Variants in CDH8 observed in about 807,000 individuals in gnomAD.
The protein encoded by CDH8 is cadherin-8.
In CDH8, 17 loss-of-function variants were observed where a neutral mutation model predicts 68.1. The ratio of observed to expected loss-of-function variants is 0.25; its 90% CI spans 0.17 to 0.37. The LOEUF (loss-of-function observed/expected upper bound fraction) is 0.37. CDH8 is among the 10% of genes least tolerant of loss of function. The pLI, the probability that CDH8 is intolerant of heterozygous loss-of-function variation, is 1.00. For missense variants in CDH8, 763 were observed against 999.3 expected, an observed-to-expected ratio of 0.76 and a Z score of 3.19; for synonymous variants, 372 against 365.1, an observed-to-expected ratio of 1.02 and a Z score of -0.21.
chr16:61,818,152 T>C (rs2143000192), intron 6 of CDH8: 1 of 162,056 alleles, frequency 6.2e-6, no homozygotes, highest in East Asian at 1.9e-4. Flanking sequence ...TATTTTATCA[T>C]TTCTGCAACA....
intron 8 of CDH8, among the ~76,000 whole-genome samples, chr16:61,761,523 T>C (rs1366419850): frequency 1.3e-5 from 2 of 152,190 alleles, no homozygotes; most frequent in East Asian, 3.9e-4. Context: ...CCTCCCTTAA[T>C]GGTAGGCAGA....
chr16:61,838,543 C>T (rs944297094), intron 4 of CDH8, among the ~76,000 whole-genome samples: 6 of 152,102 alleles, frequency 3.9e-5, no homozygotes, highest in Admixed American at 6.6e-5. Context: ...CTTCGTTGCT[C>T]ATGGTAATTA....
chr16:61,972,429 G>A (rs1965354198), intron 2 of CDH8, among the ~76,000 whole-genome samples: 1 of 152,146 alleles, frequency 6.6e-6, no homozygotes, highest in African/African-American at 2.4e-5. Flanking sequence ...TAATCATCTT[G>A]TATTACTCCT....
chr16:61,741,318 T>C (rs1959866315), intron 8 of CDH8, among the ~76,000 whole-genome samples: 1 of 152,162 alleles, frequency 6.6e-6, no homozygotes, highest in African/African-American at 2.4e-5. Flanking sequence ...CCACAATTCC[T>C]TCTTCTGCCC....
intron 1 of CDH8, among the ~76,000 whole-genome samples, 190 bp downstream of exon 1, chr16:62,035,890 C>T (rs1437660283): frequency 9.2e-5 from 14 of 152,180 alleles, no homozygotes; most frequent in Admixed American, 9.2e-4. Context: ...GGCGTACGTA[C>T]GTTATCACCC....
At chr16:61,666,766 T>C (rs569334430) in intron 10 of CDH8, among the ~76,000 whole-genome samples, 7 of 152,064 alleles carry the variant, frequency 4.6e-5, no homozygotes, top group South Asian at 2.1e-4. Context: ...TTAGTAGGTA[T>C]GGACAAGAGA....
At chr16:61,782,266 G>A (rs983913430) in intron 8 of CDH8, among the ~76,000 whole-genome samples, 1 of 152,222 alleles carries the variant, frequency 6.6e-6, no homozygotes, top group Non-Finnish European at 1.5e-5. Flanking sequence ...GCGAGGCATT[G>A]CCTCACCTGG....
In CDH8 at chr16:61,701,147, A is replaced by C. The variant is rs189677511; in HGVS notation, c.1654+12694T>G. Among the ~76,000 whole-genome samples the C allele has an allele frequency of 3.9e-5, 6 of 152,312 alleles. No individual in the cohort carries two copies. In the East Asian group the frequency reaches 1.2e-3, roughly 29 times the overall value. Reference sequence around the variant, plus strand: ...CCTGTTGTGATTTCAGGCCACTGGGAGTGATCTATCCCAGTCGCAAATGGG... The same window carrying C: ...CCTGTTGTGATTTCAGGCCACTGGGCGTGATCTATCCCAGTCGCAAATGGG... On this transcript the variant is annotated intron_variant, in intron 10 of 11. Transcript: ENST00000577390.
At chr16:61,736,783 C>T (rs1310123038) in intron 8 of CDH8, among the ~76,000 whole-genome samples, 1 of 152,098 alleles carries the variant, frequency 6.6e-6, no homozygotes, top group African/African-American at 2.4e-5. Context: ...AGATAAGCTT[C>T]TAAGGAAATT....
chr16:61,982,812 G>C (rs980942476), intron 2 of CDH8, among the ~76,000 whole-genome samples: 1 of 152,076 alleles, frequency 6.6e-6, no homozygotes, highest in Non-Finnish European at 1.5e-5. Flanking sequence ...CAGGAACAGA[G>C]TCTTAAAAAG....
At chr16:61,687,021 T>G (rs966172204) in intron 10 of CDH8, among the ~76,000 whole-genome samples, 1 of 151,968 alleles carries the variant, frequency 6.6e-6, no homozygotes, top group African/African-American at 2.4e-5. Flanking sequence ...TACAACTGTA[T>G]GCAAATTATA....
intron 2 of CDH8, among the ~76,000 whole-genome samples, chr16:62,010,943 C>A (rs377593803): frequency 1.6e-4 from 22 of 141,064 alleles, no homozygotes; most frequent in African/African-American, 1.9e-4. Context: ...AACTCCATTT[C>A]AAAAAAAAAA....
intron 2 of CDH8, among the ~76,000 whole-genome samples, chr16:61,966,844 C>T (rs1376320743): frequency 6.6e-6 from 1 of 152,172 alleles, no homozygotes; most frequent in Non-Finnish European, 1.5e-5. Context: ...AGAACCTTTA[C>T]ATGCATTAAC....
At chr16:61,767,493 A>G (rs1316627414) in intron 8 of CDH8, among the ~76,000 whole-genome samples, 1 of 151,954 alleles carries the variant, frequency 6.6e-6, no homozygotes, top group Non-Finnish European at 1.5e-5. Context: ...TCGCTGTAGT[A>G]AAGAATAAAG....
chr16:61,934,308 T>C (rs1964593280), intron 2 of CDH8: 1 of 151,664 alleles, frequency 6.6e-6, no homozygotes, highest in East Asian at 2.0e-4. Flanking sequence ...CTTCAAGCCT[T>C]CCCTCCTAAT....
intron 2 of CDH8, among the ~76,000 whole-genome samples, chr16:61,936,302 T>C (rs1964625910): frequency 6.6e-6 from 1 of 152,054 alleles, no homozygotes; most frequent in African/African-American, 2.4e-5. Flanking sequence ...AAGCATGAGT[T>C]ATGGGGCATT....
intron 2 of CDH8, among the ~76,000 whole-genome samples, chr16:61,963,887 T>C (rs1403781270): frequency 6.6e-6 from 1 of 152,218 alleles, no homozygotes; most frequent in Admixed American, 6.5e-5. Flanking sequence ...ATCTTGCTTA[T>C]CTCTACAGAA....
At chr16:61,935,547 T>C (rs1172158305) in intron 2 of CDH8, among the ~76,000 whole-genome samples, 1 of 152,150 alleles carries the variant, frequency 6.6e-6, no homozygotes, top group Non-Finnish European at 1.5e-5. Flanking sequence ...GACACTTACA[T>C]ACCTTTTATG....
intron 2 of CDH8, among the ~76,000 whole-genome samples, chr16:61,991,461 T>C (rs775044376): frequency 1.1e-4 from 16 of 152,234 alleles, no homozygotes; most frequent in Non-Finnish European, 2.1e-4. Context: ...AGCAATAACA[T>C]GACTAAATTT....
Sources: allele counts gnomAD v4.1 joint callset (sites outside exome capture counted in the v4.1 genomes callset), GRCh38; gene constraint gnomAD v4.1.1; transcripts MANE v1.5; gene names NCBI Gene and HGNC (gene_info 2026-07-23, HGNC 2026-07-21).